MYZAP: variants seen among roughly 807,000 people sequenced by gnomAD.
MYZAP encodes the protein myocardial zonula adherens protein.
In MYZAP, 66 loss-of-function variants were observed where a neutral mutation model predicts 69.4. The ratio of observed to expected loss-of-function variants is 0.95; its 90% CI spans 0.78 to 1.17. MYZAP has a LOEUF of 1.17. Ranked by LOEUF, MYZAP falls within the 50% of genes most tolerant of loss-of-function variation. MYZAP has a pLI of 0.00. For missense variants in MYZAP, 611 were observed against 556.2 expected (o/e 1.10, Z -0.99); for synonymous variants, 256 against 205.9 (o/e 1.24, Z -2.09).
intron 10 of MYZAP, among the ~76,000 whole-genome samples, chr15:57,658,644 C>T (rs541998025): frequency 2.6e-5 from 4 of 152,242 alleles, no homozygotes; most frequent in South Asian, 2.1e-4. Flanking sequence ...TTCACCTTTT[C>T]GGAAAGGCAA....
chr15:57,684,337 A>G (rs1294285231), intron 12 of MYZAP, 65 bp from the exon 13 acceptor site: 2 of 996,894 alleles, frequency 2.0e-6, no homozygotes, highest in African/African-American at 1.6e-5. Context: ...TTGTCTTACC[A>G]TGTGAAGCAT....
intron 1 of MYZAP, among the ~76,000 whole-genome samples, chr15:57,593,219 A>C (rs2033839983): frequency 1.4e-5 from 1 of 71,040 alleles, no homozygotes. Context: ...CACACACCCC[A>C]GAATCCATCA....
chr15:57,664,933 A>G (rs1350825885), intron 11 of MYZAP, among the ~76,000 whole-genome samples: 1 of 152,232 alleles, frequency 6.6e-6, no homozygotes, highest in African/African-American at 2.4e-5. Context: ...ATGATTAAAT[A>G]TGTTAATACT....
rs1379271716 is a variant in MYZAP at position 57,684,410 on chromosome 15, G to A, written c.1313G>A (p.Gly438Asp). 2.5e-6 allele frequency: 4 copies of A among 1,612,110 alleles called. No homozygotes were observed. The highest frequency in any genetic ancestry group is 1.3e-5 in the African/African-American group (1 of 74,814). ...ATTTTCTCATTTCTCAGCCAAACAG[G>A]CAGGACTCGTGAAATTGTGATGCCT... ...VGCDLLPSQT[G>D]RTREIVMPSR... is the part of the protein sequence containing the mutation. Residue 438 changes from glycine to aspartate, a missense_variant, in exon 13 of 13, where the codon GGC becomes GAC. Coordinates refer to ENST00000267853, the MANE Select transcript of MYZAP (RefSeq NM_001018100.5).
At chr15:57,610,111 C>A (rs780629165) in intron 2 of MYZAP, among the ~76,000 whole-genome samples, 3 of 152,098 alleles carry the variant, frequency 2.0e-5, no homozygotes. Context: ...AGGCAGATAC[C>A]GTTTTAAATA....
intron 2 of MYZAP, among the ~76,000 whole-genome samples, chr15:57,610,025 T>C (rs1360261112): frequency 6.6e-6 from 1 of 152,146 alleles, no homozygotes; most frequent in Non-Finnish European, 1.5e-5. Context: ...CACAGTTGAA[T>C]TTTAGGGCAT....
At chr15:57,602,662 C>T (rs932223424) in intron 1 of MYZAP, among the ~76,000 whole-genome samples, 1 of 152,238 alleles carries the variant, frequency 6.6e-6, no homozygotes, top group East Asian at 1.9e-4. Flanking sequence ...GCATTTCAGG[C>T]ATGTGATGGG....
Position 57,679,452 on chromosome 15 carries a change from A to G in MYZAP, c.1304+4384A>G, listed in dbSNP as rs192239026. Reference sequence around the variant, plus strand: ...GCAGGGATTTTCATCTCTTTCACTAATTGCATTCTCCCTGGGACCTCCTTA... The same window carrying G: ...GCAGGGATTTTCATCTCTTTCACTAGTTGCATTCTCCCTGGGACCTCCTTA... On this transcript the variant is annotated intron_variant, in intron 12 of 12. Coordinates refer to ENST00000267853, the MANE Select transcript of MYZAP (RefSeq NM_001018100.5). 6.0e-5 allele frequency among the ~76,000 whole-genome samples: 9 copies of G among 150,310 alleles called. No individual in the cohort carries two copies. In the Admixed American group the frequency reaches 6.0e-4, roughly 10 times the overall value.
intron 8 of MYZAP, 45 bp from the exon 9 acceptor site, chr15:57,637,650 A>C (rs2036891614): frequency 6.3e-7 from 1 of 1,594,892 alleles, no homozygotes; most frequent in Non-Finnish European, 8.6e-7. Context: ...TTCTCTGTCA[A>C]ACTTGGGATC....
chr15:57,603,813 G>GA (rs1206089528), intron 1 of MYZAP, among the ~76,000 whole-genome samples: 1 of 151,764 alleles, frequency 6.6e-6, no homozygotes, highest in Non-Finnish European at 1.5e-5. Flanking sequence ...GGACTTTTTT[G>GA]AAAAAAAGTT....
intron 10 of MYZAP, chr15:57,647,291 A>C (rs913245625): frequency 1.0e-6 from 1 of 985,428 alleles, no homozygotes; most frequent in Non-Finnish European, 1.2e-6. Context: ...CTGTGTTTAG[A>C]CACAGATCCC....
chr15:57,599,585 C>A, intron 1 of MYZAP: 1 of 1,287,778 alleles, frequency 7.8e-7, no homozygotes. Context: ...GCTTTGGGAA[C>A]CCCTGGGAAT....
chr15:57,665,320 G>A (rs2140566735), intron 11 of MYZAP, among the ~76,000 whole-genome samples: 1 of 152,366 alleles, frequency 6.6e-6, no homozygotes, highest in Non-Finnish European at 1.5e-5. Context: ...TCTTTTAGCA[G>A]TTGGCCCCGA....
At chr15:57,645,476 A>G (rs905699948) in intron 10 of MYZAP, among the ~76,000 whole-genome samples, 3 of 152,268 alleles carry the variant, frequency 2.0e-5, no homozygotes, top group Admixed American at 6.5e-5. Context: ...GGACTTTAGC[A>G]TCAGACAAAC....
chr15:57,646,525 G>A, intron 10 of MYZAP: 1 of 1,023,364 alleles, frequency 9.8e-7, no homozygotes, highest in Non-Finnish European at 1.2e-6. Context: ...GATCCAGGTG[G>A]AGGCTTGGAA....
chr15:57,662,724 G>A lies in MYZAP; in HGVS notation c.1203+1191G>A, dbSNP rs566075870. ...TTTTTAGATAGGGAAACTGAGGTTCGGGGGTATTAAGAAGTCTGCCCAAGG... is the reference window on the plus strand; with the variant it reads ...TTTTTAGATAGGGAAACTGAGGTTCAGGGGTATTAAGAAGTCTGCCCAAGG... On this transcript the variant is annotated intron_variant, in intron 11 of 12. Transcript: ENST00000267853. Among the ~76,000 whole-genome samples the A allele has an allele frequency of 5.9e-5, 9 of 152,250 alleles. No homozygotes were observed. The East Asian group carries it at 1.7e-3, about 29-fold the overall frequency.
In MYZAP at chr15:57,647,045, C is replaced by G. The variant is rs755982897; in HGVS notation, c.1119+7500C>G. On this transcript the variant is annotated intron_variant, in intron 10 of 12. Transcript: ENST00000267853. ...TCTACATAAGCTGGGAGATGGGGCTCGTGGAGTGAGTGCGTTCAGAGGCCC... is the reference window on the plus strand; with the variant it reads ...TCTACATAAGCTGGGAGATGGGGCTGGTGGAGTGAGTGCGTTCAGAGGCCC... 6 of 985,298 alleles carry G rather than the reference C, an allele frequency of 6.1e-6. No homozygotes were observed. In the South Asian group the frequency reaches 2.4e-4, roughly 39 times the overall value. 61.0% of individuals were successfully genotyped at this position (985,298 alleles called of 1,614,324 possible). A position where few individuals can be genotyped will look rare whatever the true frequency, so the allele number is the denominator to read the frequency against.
chr15:57,630,078 C>T (rs979256066), intron 6 of MYZAP, among the ~76,000 whole-genome samples: 10 of 151,318 alleles, frequency 6.6e-5, no homozygotes, highest in African/African-American at 1.2e-4. Context: ...AAGCAATTCT[C>T]GTGCCTCAGC....
In MYZAP at chr15:57,684,427, G is replaced by C; in HGVS notation, c.1330G>C (p.Val444Leu). The C allele has an allele frequency of 1.9e-6, 3 of 1,613,180 alleles. No individual in the cohort carries two copies. Among genetic ancestry groups the C allele is most frequent in the Non-Finnish European group, 2.5e-6 (3 of 1,179,720 alleles). Residue 444 changes from valine to leucine, a missense_variant, in exon 13 of 13, where the codon GTG (valine) becomes CTG (leucine). Transcript: ENST00000267853. ...CCAAACAGGCAGGACTCGTGAAATT[G>C]TGATGCCTTCTAGGAACTACACCCC... ...PSQTGRTREI[V>L]MPSRNYTPYT...
Sources: allele counts gnomAD v4.1 joint callset (sites outside exome capture counted in the v4.1 genomes callset), GRCh38; gene constraint gnomAD v4.1.1; transcripts MANE v1.5; gene names NCBI Gene and HGNC (gene_info 2026-07-23, HGNC 2026-07-21).